The following BMP2K variants were observed in gnomAD, a reference collection of about 807,000 sequenced individuals.
BMP2K encodes BMP-2-inducible protein kinase.
A neutral mutation model predicts 116.0 loss-of-function variants in BMP2K; 74 were observed. The ratio of observed to expected loss-of-function variants is 0.64; its 90% CI spans 0.53 to 0.77. The LOEUF is 0.77. Ranked by LOEUF, BMP2K falls within the 30% of genes least tolerant of loss-of-function variation. BMP2K has a pLI of 0.00. For synonymous variants in BMP2K, 486 were observed against 502.5 expected, an observed-to-expected ratio of 0.97 and a Z score of 0.44; for missense variants, 1,365 against 1,403.6, an observed-to-expected ratio of 0.97 and a Z score of 0.44.
At chr4:78,790,510 A>G (rs1384129991) in intron 1 of BMP2K, among the ~76,000 whole-genome samples, 1 of 152,232 alleles carries the variant, frequency 6.6e-6, no homozygotes, top group Middle Eastern at 3.2e-3. Flanking sequence ...TATATTGTTT[A>G]GAAGAACATA....
At chr4:78,838,556 G>T (rs1320311056) in intron 3 of BMP2K, among the ~76,000 whole-genome samples, 1 of 152,150 alleles carries the variant, frequency 6.6e-6, no homozygotes, top group Non-Finnish European at 1.5e-5. Context: ...CATGGTGGGG[G>T]AGAGATTTGG....
At chr4:78,787,225 G>A (rs1303747494) in intron 1 of BMP2K, among the ~76,000 whole-genome samples, 3 of 152,178 alleles carry the variant, frequency 2.0e-5, no homozygotes, top group African/African-American at 4.8e-5. Flanking sequence ...TGATATTTAG[G>A]AGAAGGCTGA....
chr4:78,861,245 G>T, intron 8 of BMP2K, 144 bp from the exon 9 acceptor site: 1 of 549,658 alleles, frequency 1.8e-6, no homozygotes. Context: ...GCAAATACAT[G>T]TGAATAATTT....
At chr4:78,900,846 T>C (rs1254660139) in intron 15 of BMP2K, among the ~76,000 whole-genome samples, 1 of 152,242 alleles carries the variant, frequency 6.6e-6, no homozygotes, top group African/African-American at 2.4e-5. Flanking sequence ...ATCTGTTTGC[T>C]ATATGCAAAT....
At chr4:78,883,947 C>T (rs2110071250) in intron 14 of BMP2K, among the ~76,000 whole-genome samples, 1 of 152,158 alleles carries the variant, frequency 6.6e-6, no homozygotes, top group East Asian at 1.9e-4. Context: ...CCTGTAGTCC[C>T]AGCTACTCCA....
At chr4:78,884,710 G>A (rs1390173646) in intron 14 of BMP2K, among the ~76,000 whole-genome samples, 2 of 152,094 alleles carry the variant, frequency 1.3e-5, no homozygotes, top group African/African-American at 4.8e-5. Context: ...TCTGATACAA[G>A]GCATAATTAC....
chr4:78,887,154 G>A lies in BMP2K; in HGVS notation c.1952-20G>A, dbSNP rs368489335. On this transcript the variant is annotated intron_variant, in intron 14 of 15. Coordinates refer to ENST00000502613, the MANE Select transcript of BMP2K (RefSeq NM_198892.2). ...TTTATTTCATTTCATTTTTTATTTCGTTTCATCTTATTTTTGCAGATAGGC... is the reference window on the plus strand; with the variant it reads ...TTTATTTCATTTCATTTTTTATTTCATTTCATCTTATTTTTGCAGATAGGC... The A allele has an allele frequency of 9.8e-5, 141 of 1,435,070 alleles. No homozygotes were observed. The highest frequency in any genetic ancestry group is 1.8e-4 in the Middle Eastern group (1 of 5,704). 88.9% of individuals were successfully genotyped at this position (1,435,070 alleles called of 1,614,324 possible).
At chr4:78,852,997 A>G (rs1731331449) in intron 7 of BMP2K, among the ~76,000 whole-genome samples, 1 of 152,064 alleles carries the variant, frequency 6.6e-6, no homozygotes, top group Non-Finnish European at 1.5e-5. Context: ...GTAATTAGTG[A>G]TTTATATTAC....
At chr4:78,791,246 A>G (rs536262997) in intron 1 of BMP2K, among the ~76,000 whole-genome samples, 9 of 152,210 alleles carry the variant, frequency 5.9e-5, no homozygotes, top group Admixed American at 1.3e-4. Context: ...TGGTATGTGG[A>G]CCCCAAGGGA....
chr4:78,800,053 C>G (rs1301920421), intron 1 of BMP2K, among the ~76,000 whole-genome samples: 4 of 152,154 alleles, frequency 2.6e-5, no homozygotes, highest in Admixed American at 2.0e-4. Flanking sequence ...TTTACTCTTT[C>G]AATTTGAAAG....
intron 1 of BMP2K, among the ~76,000 whole-genome samples, chr4:78,785,912 T>C (rs1351730702): frequency 2.0e-5 from 3 of 152,312 alleles, no homozygotes; most frequent in African/African-American, 7.2e-5. Flanking sequence ...CATGTCACTC[T>C]CTTACTTGCC....
chr4:78,797,131 C>T (rs1431909800), intron 1 of BMP2K, among the ~76,000 whole-genome samples: 1 of 152,124 alleles, frequency 6.6e-6, no homozygotes, highest in Non-Finnish European at 1.5e-5. Context: ...GTCCTTAATA[C>T]AGTGCTTCTT....
chr4:78,879,132 T>TA (rs1732777981), intron 14 of BMP2K: 2 of 1,212,254 alleles, frequency 1.6e-6, no homozygotes. Flanking sequence ...TCCTAAAACT[T>TA]AAATATTGCA....
chr4:78,913,454 CTA>C lies in BMP2K; in HGVS notation c.*1423_*1424del, dbSNP rs547057189. Reference sequence around the variant, plus strand: ...GTATCTGTGCTTCCTGTGTCTATGACTATTTTAAGATATAATTGTGCTGCGCT... The same window carrying C: ...GTATCTGTGCTTCCTGTGTCTATGACTTTTAAGATATAATTGTGCTGCGCT... On this transcript the variant is annotated 3_prime_UTR_variant, in exon 16 of 16. Transcript: ENST00000502613. The C allele has an allele frequency of 2.2e-3, 328 of 152,238 alleles. 1 individual carries two copies. Among genetic ancestry groups the C allele is most frequent in the African/African-American group, 7.5e-3 (311 of 41,550 alleles). 9.4% of individuals were successfully genotyped at this position (152,238 alleles called of 1,614,324 possible).
intron 10 of BMP2K, among the ~76,000 whole-genome samples, chr4:78,867,676 T>A (rs1732124165): frequency 6.6e-6 from 1 of 152,218 alleles, no homozygotes; most frequent in Admixed American, 6.5e-5. Context: ...TTCCCAGAGT[T>A]AACCAGCGCT....
chr4:78,778,601 T>A (rs982501005), intron 1 of BMP2K, among the ~76,000 whole-genome samples: 11 of 152,056 alleles, frequency 7.2e-5, no homozygotes, highest in Non-Finnish European at 1.5e-4. Flanking sequence ...TCCTTGTGTA[T>A]TTTTTCTGTC....
intron 1 of BMP2K, among the ~76,000 whole-genome samples, chr4:78,789,919 GT>G (rs1057493044): frequency 2.6e-5 from 4 of 152,160 alleles, no homozygotes; most frequent in Non-Finnish European, 5.9e-5. Context: ...CGAGTTCAAG[GT>G]TATGGCGCGT....
At chr4:78,899,491 A>G (rs140297143) in intron 15 of BMP2K, among the ~76,000 whole-genome samples, 147 of 152,268 alleles carry the variant, frequency 9.7e-4, no homozygotes, top group African/African-American at 3.2e-3. Flanking sequence ...TTTACCATCA[A>G]GAAAGTGGTA....
Position 78,799,646 on chromosome 4 carries a change from G to A in BMP2K, c.178+22925G>A, listed in dbSNP as rs747449882. The stretch of plus-strand genomic sequence containing the variant: ...GATTTGGCTTTTGTATCAAAAGTAC[G>A]TAAGATGTTTGTAAGGCTGTGTCTA... On this transcript the variant is annotated intron_variant, in intron 1 of 15. Coordinates refer to ENST00000502613, the MANE Select transcript of BMP2K (RefSeq NM_198892.2). Among the ~76,000 whole-genome samples the A allele has an allele frequency of 1.6e-4, 25 of 152,294 alleles. 1 individual carries two copies. Among genetic ancestry groups the A allele is most frequent in the Admixed American group, 8.5e-4 (13 of 15,294 alleles).
Sources: gnomAD v4.1 joint callset for allele counts (sites outside exome capture counted in the v4.1 genomes callset) on GRCh38, gnomAD v4.1.1 for gene constraint, MANE v1.5 for transcripts, NCBI Gene and HGNC (gene_info 2026-07-23, HGNC 2026-07-21) for gene names.